The following PLXNA4 variants were observed in gnomAD, a reference collection of about 807,000 sequenced individuals.
PLXNA4 encodes plexin A4.
A neutral mutation model predicts 191.8 loss-of-function variants in PLXNA4; 44 were observed. The observed-to-expected ratio is 0.23, with a 90% CI of 0.18 to 0.29. The LOEUF is 0.29. Ranked by LOEUF, PLXNA4 falls within the 10% of genes least tolerant of loss-of-function variation. PLXNA4 has a pLI of 1.00. For synonymous variants in PLXNA4, 1,082 were observed against 1,009.5 expected, an observed-to-expected ratio of 1.07 and a Z score of -1.36; for missense variants, 1,800 against 2,488.8, an observed-to-expected ratio of 0.72 and a Z score of 5.89.
chr7:132,369,245 A>C lies in PLXNA4; in HGVS notation c.1372-71023T>G, dbSNP rs565067621. 1.1e-4 allele frequency among the ~76,000 whole-genome samples: 16 copies of C among 152,262 alleles called. No homozygotes were observed. In the South Asian group the frequency reaches 3.3e-3, roughly 32 times the overall value. ...CTGAGTGGCCTAAGCCCCTCCTTTG[A>C]TTCTCAGGCCCCCAGAGCCACCCAG... is the stretch of plus-strand genomic sequence containing the variant. On this transcript the variant is annotated intron_variant, in intron 3 of 31. Coordinates refer to ENST00000321063, the MANE Select transcript of PLXNA4 (RefSeq NM_020911.2).
chr7:132,577,531 G>A (rs1327436999), upstream of PLXNA4, among the ~76,000 whole-genome samples: 2 of 151,996 alleles, frequency 1.3e-5, no homozygotes, highest in African/African-American at 2.4e-5. Flanking sequence ...GGCCGGCAGA[G>A]GGGGCAGGGG....
chr7:132,145,536 C>T, intron 28 of PLXNA4: 1 of 508,950 alleles, frequency 2.0e-6, no homozygotes, highest in Non-Finnish European at 3.4e-6. Context: ...GCTTCCTCTG[C>T]CAACAACACG....
At chr7:132,513,053 G>C (rs1480441642) in intron 1 of PLXNA4, among the ~76,000 whole-genome samples, 1 of 152,206 alleles carries the variant, frequency 6.6e-6, no homozygotes, top group African/African-American at 2.4e-5. Flanking sequence ...ACATGCTACA[G>C]TTTTCCCTTC....
In PLXNA4 at chr7:132,396,833, C is replaced by T. The variant is rs741665; in HGVS notation, c.1371+92459G>A. Among the ~76,000 whole-genome samples the T allele has an allele frequency of 2.4e-3, 364 of 152,390 alleles. 1 individual carries two copies. The highest frequency in any genetic ancestry group is 8.4e-3 in the African/African-American group (348 of 41,598). ...GAACCTCAGGAGGCTTCTCCCAAAG[C>T]CTGTGCACTCTTAACCACGGTGCAG... On this transcript the variant is annotated intron_variant, in intron 3 of 31. Coordinates refer to ENST00000321063, the MANE Select transcript of PLXNA4 (RefSeq NM_020911.2).
chr7:132,602,486 T>C (rs1802839559), intron 2 of PLXNA4, among the ~76,000 whole-genome samples: 1 of 152,216 alleles, frequency 6.6e-6, no homozygotes, highest in Non-Finnish European at 1.5e-5. Flanking sequence ...CAGAGTGTTC[T>C]GCTCAAAATC....
intron 4 of PLXNA4, among the ~76,000 whole-genome samples, chr7:132,293,010 GT>G (rs944318013): frequency 3.0e-4 from 45 of 152,308 alleles, no homozygotes; most frequent in African/African-American, 1.1e-3. Flanking sequence ...ACAAAGGCCT[GT>G]TTGCTGGTAC....
chr7:132,145,756 G>A (rs142144406), intron 28 of PLXNA4, among the ~76,000 whole-genome samples: 1,993 of 151,858 alleles, frequency 0.013, 25 homozygotes, highest in South Asian at 0.026. Flanking sequence ...GGCAAGCAAC[G>A]TCCCCAGAAC....
chr7:132,219,792 T>C (rs947615433), intron 9 of PLXNA4, among the ~76,000 whole-genome samples: 4 of 152,216 alleles, frequency 2.6e-5, no homozygotes, highest in African/African-American at 9.7e-5. Flanking sequence ...TATTGTGTTT[T>C]TACCATGCTT....
intron 3 of PLXNA4, among the ~76,000 whole-genome samples, chr7:132,439,212 C>T (rs891330453): frequency 5.9e-5 from 9 of 152,172 alleles, no homozygotes; most frequent in Non-Finnish European, 1.2e-4. Context: ...GCTTCAGACA[C>T]GTGGCCCACA....
chr7:132,169,603 C>A (rs1796223266), intron 21 of PLXNA4, among the ~76,000 whole-genome samples: 1 of 152,192 alleles, frequency 6.6e-6, no homozygotes, highest in Non-Finnish European at 1.5e-5. Flanking sequence ...AGGGCATAGT[C>A]TTCATAGAAT....
rs115272686 is a variant in PLXNA4 at position 132,564,787 on chromosome 7, G to A, written c.-87+11635C>T. Among the ~76,000 whole-genome samples, 490 of 152,230 alleles carry A rather than the reference G, an allele frequency of 3.2e-3. 1 individual carries two copies. The highest frequency in any genetic ancestry group is 0.018 in the East Asian group (93 of 5,180). On this transcript the variant is annotated intron_variant, in intron 1 of 31. Transcript: ENST00000321063. Reference sequence around the variant, plus strand: ...AAATGTAGGCATCGAGGAATCTTACGAATCCTTTTCTTTTTCTGCAGTCCC... The same window carrying A: ...AAATGTAGGCATCGAGGAATCTTACAAATCCTTTTCTTTTTCTGCAGTCCC...
At chr7:132,364,741 G>A (rs371600013) in intron 3 of PLXNA4, among the ~76,000 whole-genome samples, 33 of 152,244 alleles carry the variant, frequency 2.2e-4, no homozygotes, top group African/African-American at 7.2e-4. Context: ...CACTATGTTC[G>A]TAGTTTCATC....
chr7:132,179,549 A>G, intron 20 of PLXNA4, 138 bp downstream of exon 20: 1 of 1,271,664 alleles, frequency 7.9e-7, no homozygotes, highest in Non-Finnish European at 1.1e-6. Flanking sequence ...ACACACCGCC[A>G]GCCTCCAGCA....
intron 3 of PLXNA4, among the ~76,000 whole-genome samples, chr7:132,457,479 G>T (rs545318722): frequency 6.6e-6 from 1 of 152,318 alleles, no homozygotes; most frequent in Admixed American, 6.5e-5. Flanking sequence ...GCAGCTTGTG[G>T]TGCCATTTAT....
At chr7:132,316,245 G>A (rs1386077257) in intron 3 of PLXNA4, among the ~76,000 whole-genome samples, 4 of 152,106 alleles carry the variant, frequency 2.6e-5, no homozygotes, top group East Asian at 3.9e-4. Context: ...TTATTGAATC[G>A]TCCACATTCT....
At chr7:132,451,925 C>A (rs1375007858) in intron 3 of PLXNA4, among the ~76,000 whole-genome samples, 3 of 152,226 alleles carry the variant, frequency 2.0e-5, no homozygotes, top group African/African-American at 7.2e-5. Context: ...AACTTCTGCT[C>A]CCTTCAGTCT....
At chr7:132,220,473 T>C (rs1363018820) in intron 9 of PLXNA4, among the ~76,000 whole-genome samples, 1 of 152,140 alleles carries the variant, frequency 6.6e-6, no homozygotes, top group East Asian at 1.9e-4. Flanking sequence ...AAGGGAGGCA[T>C]GGGCGATTCC....
intron 2 of PLXNA4, among the ~76,000 whole-genome samples, chr7:132,644,223 T>C (rs1465133700): frequency 6.6e-6 from 1 of 152,202 alleles, no homozygotes; most frequent in Non-Finnish European, 1.5e-5. Context: ...CCTCCTCTCA[T>C]GGTACAATGG....
At chr7:132,397,438 G>A (rs1404848862) in intron 3 of PLXNA4, among the ~76,000 whole-genome samples, 1 of 152,214 alleles carries the variant, frequency 6.6e-6, no homozygotes, top group Non-Finnish European at 1.5e-5. Flanking sequence ...TGGAGAGCAG[G>A]TAGTAGGAAG....
Sources: allele counts gnomAD v4.1 joint callset (sites outside exome capture counted in the v4.1 genomes callset), GRCh38; gene constraint gnomAD v4.1.1; transcripts MANE v1.5; gene names NCBI Gene and HGNC (gene_info 2026-07-23, HGNC 2026-07-21).